Variants in CADM2 observed in about 807,000 individuals in gnomAD.
CADM2 encodes the protein cell adhesion molecule 2, also known as immunoglobulin superfamily member 4D.
In CADM2, 12 loss-of-function variants were observed where a neutral mutation model predicts 49.8. The ratio of observed to expected loss-of-function variants is 0.24; its 90% confidence interval spans 0.15 to 0.39. CADM2 has a LOEUF of 0.39. Among genes scored for constraint, CADM2 ranks in the 10% least tolerant of loss-of-function variants. The probability of loss-of-function intolerance (pLI) is 1.00; values close to 1 mark genes in which losing one functional copy is unlikely to be tolerated. For synonymous variants in CADM2, 214 were observed against 175.4 expected, an observed-to-expected ratio of 1.22 and a Z score of -1.74; for missense variants, 378 against 492.3, an observed-to-expected ratio of 0.77 and a Z score of 2.20.
intron 1 of CADM2, among the ~76,000 whole-genome samples, chr3:85,259,020 G>A (rs564996859): frequency 4.2e-4 from 64 of 152,234 alleles, no homozygotes; most frequent in African/African-American, 1.2e-3. Flanking sequence ...GAGGACTGGC[G>A]TAAAGAAAGC....
chr3:85,682,726 TTCAA>T (rs2066074206), intron 1 of CADM2, among the ~76,000 whole-genome samples: 1 of 152,106 alleles, frequency 6.6e-6, no homozygotes, highest in Non-Finnish European at 1.5e-5. Context: ...AAGCTTTCTT[TTCAA>T]GAAAGAGACA....
At chr3:85,358,433 A>G (rs2032055190) in intron 1 of CADM2, among the ~76,000 whole-genome samples, 1 of 152,172 alleles carries the variant, frequency 6.6e-6, no homozygotes, top group African/African-American at 2.4e-5. Context: ...AAATATTTTT[A>G]CAAGTAGCCT....
chr3:85,174,780 G>C (rs2040731750), intron 1 of CADM2, among the ~76,000 whole-genome samples: 1 of 152,092 alleles, frequency 6.6e-6, no homozygotes, highest in Admixed American at 6.5e-5. Flanking sequence ...GAAAGGGGAA[G>C]ATAGAAGATT....
At chr3:85,123,386 G>A (rs1363360998) in intron 1 of CADM2, among the ~76,000 whole-genome samples, 3 of 152,124 alleles carry the variant, frequency 2.0e-5, no homozygotes, top group Admixed American at 6.6e-5. Flanking sequence ...GTGTAAAAAC[G>A]TATAATTTTA....
chr3:85,995,827 C>T (rs9841158), intron 8 of CADM2, among the ~76,000 whole-genome samples: 104,477 of 151,998 alleles, frequency 0.69, 37,558 homozygotes, highest in African/African-American at 0.91. Context: ...CAGTGTCTCA[C>T]GCCTGTAATT....
intron 1 of CADM2, among the ~76,000 whole-genome samples, chr3:85,038,358 C>T: frequency 6.6e-6 from 1 of 152,218 alleles, no homozygotes; most frequent in East Asian, 1.9e-4. Flanking sequence ...GCTTAGTTCA[C>T]ATCCCAGAAT....
intron 1 of CADM2, among the ~76,000 whole-genome samples, chr3:85,454,244 T>C (rs768024916): frequency 2.0e-5 from 3 of 151,988 alleles, no homozygotes; most frequent in Middle Eastern, 3.4e-3. Flanking sequence ...GGAAGGAGAA[T>C]CGCTTGAACC....
chr3:85,145,012 A>T (rs2107635280), intron 1 of CADM2, among the ~76,000 whole-genome samples: 1 of 152,332 alleles, frequency 6.6e-6, no homozygotes, highest in Middle Eastern at 3.4e-3. Flanking sequence ...CAGTCAGTTT[A>T]ACTCAAAGAT....
intron 1 of CADM2, among the ~76,000 whole-genome samples, chr3:85,157,580 G>A (rs2040172210): frequency 6.6e-6 from 1 of 152,152 alleles, no homozygotes; most frequent in Non-Finnish European, 1.5e-5. Flanking sequence ...AGAAAAACAA[G>A]CATTGAGTAA....
intron 1 of CADM2, among the ~76,000 whole-genome samples, chr3:84,969,300 AT>A (rs577402497): frequency 6.6e-6 from 1 of 152,032 alleles, no homozygotes; most frequent in South Asian, 2.1e-4. Context: ...TTGTTTGATT[AT>A]TTTACACAAT....
intron 1 of CADM2, among the ~76,000 whole-genome samples, chr3:85,608,472 C>A (rs1289460610): frequency 2.0e-5 from 3 of 152,026 alleles, no homozygotes; most frequent in African/African-American, 7.2e-5. Flanking sequence ...ATTTTAAGAA[C>A]CATATTACCT....
chr3:85,472,425 T>C (rs973597565), intron 1 of CADM2, among the ~76,000 whole-genome samples: 1 of 151,942 alleles, frequency 6.6e-6, no homozygotes, highest in African/African-American at 2.4e-5. Context: ...CAGAGTGATA[T>C]ATAGATAGAA....
At position 85,511,675 on chromosome 3, in the gene CADM2, A is replaced by G. The variant is rs148511840; in HGVS notation, c.62-214847A>G. ...TCTATAAAGGTTCTTTTGACTATGC[A>G]TTTTTGGAAACAACATTCCATTTGA... On this transcript the variant is annotated intron_variant, in intron 1 of 9. Coordinates refer to ENST00000383699, the MANE Select transcript of CADM2 (RefSeq NM_001167675.2). Among the ~76,000 whole-genome samples the G allele has an allele frequency of 2.1e-3, 315 of 152,180 alleles. 5 individuals are homozygous for G. Among genetic ancestry groups the G allele is most frequent in the Admixed American group, 0.017 (261 of 15,274 alleles).
chr3:84,983,633 A>G (rs1022372169), intron 1 of CADM2, among the ~76,000 whole-genome samples: 2 of 152,106 alleles, frequency 1.3e-5, no homozygotes, highest in African/African-American at 2.4e-5. Context: ...AAACGAAGAG[A>G]AGTGCTCTAT....
chr3:85,220,799 G>T (rs919164673), intron 1 of CADM2, among the ~76,000 whole-genome samples: 3 of 128,532 alleles, frequency 2.3e-5, no homozygotes, highest in Non-Finnish European at 5.1e-5. Context: ...GAAGAGAATG[G>T]TTGCTTAGAA....
chr3:85,340,005 T>C (rs2107188438), intron 1 of CADM2, among the ~76,000 whole-genome samples: 1 of 151,534 alleles, frequency 6.6e-6, no homozygotes, highest in African/African-American at 2.4e-5. Flanking sequence ...TATTCAGTGC[T>C]TGTTACTAGG....
intron 1 of CADM2, among the ~76,000 whole-genome samples, chr3:85,099,836 T>TAAA (rs2037943768): frequency 6.6e-6 from 1 of 152,172 alleles, no homozygotes; most frequent in East Asian, 1.9e-4. Flanking sequence ...GAATGGGAGC[T>TAAA]TTTAAAATAA....
chr3:85,530,400 G>A (rs1056357011), intron 1 of CADM2, among the ~76,000 whole-genome samples: 2 of 120,972 alleles, frequency 1.7e-5, no homozygotes, highest in African/African-American at 3.0e-5. Flanking sequence ...GCGCGATCTC[G>A]GCTCACTGCG....
At chr3:86,049,993 G>T (rs2107315710) in intron 8 of CADM2, among the ~76,000 whole-genome samples, 1 of 152,198 alleles carries the variant, frequency 6.6e-6, no homozygotes, top group African/African-American at 2.4e-5. Flanking sequence ...TTTTCCAGAA[G>T]TCCCCCAAAC....
Sources: allele counts gnomAD v4.1 joint callset (sites outside exome capture counted in the v4.1 genomes callset), GRCh38; gene constraint gnomAD v4.1.1; transcripts MANE v1.5; gene names NCBI Gene and HGNC (gene_info 2026-07-23, HGNC 2026-07-21).